GALNT13: variants seen among roughly 807,000 people sequenced by gnomAD.
The protein encoded by GALNT13 is polypeptide N-acetylgalactosaminyltransferase 13, also known as UDP-GalNAc:polypeptide N-acetylgalactosaminyltransferase 13.
GALNT13 carries 28 observed loss-of-function variants against 64.2 expected under a neutral mutation model. The observed-to-expected ratio is 0.44, with a 90% CI of 0.32 to 0.60. The LOEUF is 0.60. GALNT13 is among the 20% of genes least tolerant of loss of function. The pLI, the probability that GALNT13 is intolerant of heterozygous loss-of-function variation, is 0.05. For missense variants in GALNT13, 577 were observed against 669.8 expected, an observed-to-expected ratio of 0.86 and a Z score of 1.53; for synonymous variants, 214 against 224.6, an observed-to-expected ratio of 0.95 and a Z score of 0.42.
the GALNT13 span, among the ~76,000 whole-genome samples, chr2:153,724,921 A>G: frequency 6.6e-6 from 1 of 151,344 alleles, no homozygotes; most frequent in African/African-American, 2.4e-5. Context: ...ATCTAGAACT[A>G]GAAATACCAT....
chr2:153,881,245 G>C (rs1224619236), intron 1 of GALNT13, among the ~76,000 whole-genome samples: 1 of 152,118 alleles, frequency 6.6e-6, no homozygotes, highest in African/African-American at 2.4e-5. Flanking sequence ...TACTTGGTCA[G>C]ACTTTTTAAA....
chr2:153,517,728 T>C, the GALNT13 span, among the ~76,000 whole-genome samples: 2 of 152,174 alleles, frequency 1.3e-5, no homozygotes, highest in Non-Finnish European at 2.9e-5. Context: ...GAATCACCAT[T>C]AGGCAGACAT....
chr2:153,973,336 A>G (rs1391146433), intron 3 of GALNT13, among the ~76,000 whole-genome samples: 3 of 151,998 alleles, frequency 2.0e-5, no homozygotes, highest in East Asian at 1.9e-4. Context: ...ACATCATCCT[A>G]TCTGCTGTGC....
intron 4 of GALNT13, among the ~76,000 whole-genome samples, chr2:154,169,453 G>A (rs1225988522): frequency 1.3e-5 from 2 of 152,124 alleles, no homozygotes; most frequent in Non-Finnish European, 2.9e-5. Context: ...GTATTAGCCA[G>A]CAGCAGCATA....
chr2:153,548,742 A>C, the GALNT13 span, among the ~76,000 whole-genome samples: 1 of 152,228 alleles, frequency 6.6e-6, no homozygotes, highest in Non-Finnish European at 1.5e-5. Context: ...TGGGTATAAT[A>C]GTATATCAAG....
chr2:154,284,325 C>G (rs873776), intron 8 of GALNT13, among the ~76,000 whole-genome samples: 79,854 of 151,852 alleles, frequency 0.53, 21,927 homozygotes, highest in East Asian at 0.79. Flanking sequence ...GAGATTGACT[C>G]TTCTAGATTC....
the GALNT13 span, among the ~76,000 whole-genome samples, chr2:153,241,850 A>G: frequency 6.6e-6 from 1 of 152,008 alleles, no homozygotes; most frequent in South Asian, 2.1e-4. Flanking sequence ...GGTATCATAG[A>G]ATAGTATGTG....
At chr2:154,349,133 A>G (rs531290123) in intron 9 of GALNT13, among the ~76,000 whole-genome samples, 5 of 152,220 alleles carry the variant, frequency 3.3e-5, no homozygotes, top group South Asian at 4.1e-4. Context: ...AAATGTCCAC[A>G]TGAGCAATCG....
the GALNT13 span, among the ~76,000 whole-genome samples, chr2:153,212,165 G>GT: frequency 1.4e-4 from 21 of 151,044 alleles, no homozygotes; most frequent in East Asian, 5.9e-4. Context: ...TAATAGGCTT[G>GT]TTTTTTTTTC....
intron 2 of GALNT13, among the ~76,000 whole-genome samples, chr2:153,936,054 T>C (rs1156382259): frequency 6.6e-6 from 1 of 152,210 alleles, no homozygotes; most frequent in Non-Finnish European, 1.5e-5. Context: ...TTTGCCCACA[T>C]AGGCCATTGT....
At chr2:153,189,667 A>T in the GALNT13 span, among the ~76,000 whole-genome samples, 2 of 152,110 alleles carry the variant, frequency 1.3e-5, no homozygotes, top group African/African-American at 2.4e-5. Flanking sequence ...TTTTTTGAGA[A>T]ATCTCCATAC....
intron 3 of GALNT13, among the ~76,000 whole-genome samples, chr2:154,082,455 C>A (rs1209351920): frequency 6.6e-6 from 1 of 151,652 alleles, no homozygotes; most frequent in Non-Finnish European, 1.5e-5. Context: ...CTCCTACTTT[C>A]TGAGTTAGCT....
At chr2:153,443,517 A>G in the GALNT13 span, among the ~76,000 whole-genome samples, 1 of 152,180 alleles carries the variant, frequency 6.6e-6, no homozygotes, top group Non-Finnish European at 1.5e-5. Context: ...AATTTCATAA[A>G]TATGTCACTA....
chr2:153,268,198 G>A, the GALNT13 span, among the ~76,000 whole-genome samples: 2 of 152,182 alleles, frequency 1.3e-5, no homozygotes, highest in African/African-American at 4.8e-5. Context: ...AAGCAAATTA[G>A]TTACTTCCTA....
chr2:153,297,969 T>G, the GALNT13 span, among the ~76,000 whole-genome samples: 9 of 152,278 alleles, frequency 5.9e-5, no homozygotes, highest in African/African-American at 2.2e-4. Flanking sequence ...CACCTGGGCA[T>G]AAAGGAATTC....
At chr2:153,297,644 C>G in the GALNT13 span, among the ~76,000 whole-genome samples, 1 of 152,218 alleles carries the variant, frequency 6.6e-6, no homozygotes, top group African/African-American at 2.4e-5. Context: ...GATGAGCTGA[C>G]TGATTTGGAA....
the GALNT13 span, among the ~76,000 whole-genome samples, chr2:153,217,362 G>C: frequency 6.6e-6 from 1 of 151,952 alleles, no homozygotes; most frequent in African/African-American, 2.4e-5. Context: ...TATATGGTTT[G>C]TTGTGTGTCA....
chr2:153,149,101 C>T, the GALNT13 span, among the ~76,000 whole-genome samples: 1 of 151,766 alleles, frequency 6.6e-6, no homozygotes, highest in Non-Finnish European at 1.5e-5. Context: ...AAAATAACAC[C>T]ACCACCCTGC....
the GALNT13 span, among the ~76,000 whole-genome samples, chr2:153,122,104 C>T: frequency 6.6e-6 from 1 of 151,964 alleles, no homozygotes; most frequent in Admixed American, 6.6e-5. Flanking sequence ...TGTTATTTCA[C>T]TTATTTAGTT....
Sources: gnomAD v4.1 joint callset for allele counts (sites outside exome capture counted in the v4.1 genomes callset) on GRCh38, gnomAD v4.1.1 for gene constraint, MANE v1.5 for transcripts, NCBI Gene and HGNC (gene_info 2026-07-23, HGNC 2026-07-21) for gene names.